EP400: variants seen among roughly 807,000 people sequenced by gnomAD.
EP400 encodes E1A binding protein p400, also known as E1A-binding protein p400.
EP400 carries 105 observed loss-of-function variants against 354.1 expected under a neutral mutation model. The observed-to-expected ratio is 0.30, with a 90% confidence interval of 0.25 to 0.35. The LOEUF (loss-of-function observed/expected upper bound fraction) is 0.35. Among genes scored for constraint, EP400 ranks in the 10% least tolerant of loss-of-function variants. EP400 has a pLI of 1.00. For synonymous variants in EP400, 1,646 were observed against 1,716.9 expected (o/e 0.96, Z 1.02); for missense variants, 3,280 against 4,121.0 (o/e 0.80, Z 5.59).
intron 6 of EP400, 151 bp from the exon 7 acceptor site, chr12:131,987,554 C>G (rs1055184615): frequency 1.6e-6 from 1 of 617,406 alleles, no homozygotes; most frequent in Admixed American, 3.5e-5. Flanking sequence ...CGAATCTTAC[C>G]TTTGATATTA....
chr12:132,024,865 T>C (rs528133518), intron 24 of EP400, among the ~76,000 whole-genome samples: 19 of 142,666 alleles, frequency 1.3e-4, no homozygotes, highest in African/African-American at 4.9e-4. Context: ...TTCCTTCACC[T>C]TCCGTGACTG....
At chr12:132,056,314 A>C (rs1048791480) in intron 45 of EP400, among the ~76,000 whole-genome samples, 1 of 152,038 alleles carries the variant, frequency 6.6e-6, no homozygotes, top group Admixed American at 6.5e-5. Flanking sequence ...CTTTCCTGTG[A>C]AGATGTCGTT....
At chr12:132,001,619 C>T (rs111229440) in intron 12 of EP400, among the ~76,000 whole-genome samples, 2,206 of 152,230 alleles carry the variant, frequency 0.014, 51 homozygotes, top group African/African-American at 0.051. Context: ...GGGAGACTCC[C>T]TTTCCCGGTC....
In EP400 at chr12:131,961,187, T is replaced by G; in HGVS notation, c.568T>G (p.Phe190Val). The change falls in exon 2 of 53, where the codon TTT (phenylalanine) becomes GTT (valine). Residue 190 changes from phenylalanine to valine, a missense_variant. Transcript: ENST00000389561. ...CTTGAGCCCCTCCAGTGGTGGACACTTTGTGTTTCAGGATGGGTCAGGGCT... is the reference window on the plus strand; with the variant it reads ...CTTGAGCCCCTCCAGTGGTGGACACGTTGTGTTTCAGGATGGGTCAGGGCT... ...ISLSPSSGGH[F>V]VFQDGSGLTQ... is the part of the protein sequence containing the mutation. 6.4e-7 allele frequency: 1 copy of G among 1,556,440 alleles called. No homozygotes were observed. The highest frequency in any genetic ancestry group is 8.7e-7 in the Non-Finnish European group (1 of 1,146,096).
At chr12:132,022,065 C>T (rs1565918885) in intron 23 of EP400, among the ~76,000 whole-genome samples, 1 of 152,202 alleles carries the variant, frequency 6.6e-6, no homozygotes, top group Non-Finnish European at 1.5e-5. Flanking sequence ...GGGAGTGATG[C>T]ACAGAGACAC....
intron 1 of EP400, among the ~76,000 whole-genome samples, chr12:131,956,586 T>C (rs1401331003): frequency 6.6e-6 from 1 of 152,186 alleles, no homozygotes; most frequent in Non-Finnish European, 1.5e-5. Flanking sequence ...TGGGGTCACA[T>C]GGGTTCATTC....
intron 5 of EP400, 67 bp from the exon 6 acceptor site, chr12:131,986,447 A>G: frequency 2.7e-6 from 4 of 1,502,408 alleles, no homozygotes; most frequent in Non-Finnish European, 3.6e-6. Context: ...GCGCTCAGGT[A>G]TTTGGCACCG....
At chr12:132,032,267 G>A in intron 30 of EP400, 118 bp downstream of exon 30, 1 of 1,156,512 alleles carries the variant, frequency 8.6e-7, no homozygotes, top group Non-Finnish European at 1.2e-6. Flanking sequence ...AGGAGATATT[G>A]GTGCAAGAAG....
intron 39 of EP400, among the ~76,000 whole-genome samples, chr12:132,046,457 G>A (rs531607881): frequency 6.6e-6 from 1 of 152,256 alleles, no homozygotes; most frequent in East Asian, 1.9e-4. Flanking sequence ...GTCTGTTACT[G>A]GTACCTCTGC....
At chr12:131,989,628 G>A (rs888834755) in intron 7 of EP400, among the ~76,000 whole-genome samples, 3 of 152,206 alleles carry the variant, frequency 2.0e-5, no homozygotes, top group South Asian at 2.1e-4. Context: ...CATGAAATGA[G>A]ATGCCGACCC....
rs1303930866 is a variant in EP400, at chr12:131,961,912, G to T, written c.1293G>T (p.Glu431Asp). The stretch of plus-strand genomic sequence containing the variant: ...TGGACATTGAAGAAGAGGAGGAGGA[G>T]GAGGAAGAGGAGGAAGAAAAATCTG... ...NDLDIEEEEE[E>D]EEEEEEKSEV... The change falls in exon 2 of 53, where the codon GAG (glutamate) becomes GAT (aspartate). Residue 431 changes from glutamate (E) to aspartate (D), a missense_variant. By Grantham distance (45) the Glu-to-Asp change is conservative (BLOSUM62 2). Around this residue, in one of 20 missense-constraint regions of EP400, gnomAD observed 800 missense variants for 840.0 expected, o/e 0.95. Transcript: ENST00000389561. 2 of 1,613,400 alleles carry T rather than the reference G, an allele frequency of 1.2e-6. No individual in the cohort carries two copies. The highest frequency in any genetic ancestry group is 1.7e-5 in the Admixed American group (1 of 59,952).
intron 2 of EP400, among the ~76,000 whole-genome samples, chr12:131,977,723 C>T (rs1264390714): frequency 6.6e-6 from 1 of 152,102 alleles, no homozygotes; most frequent in African/African-American, 2.4e-5. Flanking sequence ...CTTTCATCTT[C>T]TTTCCTTTTC....
At position 131,990,630 on chromosome 12, in the gene EP400, A is replaced by C. The variant is rs1278104996; in HGVS notation, c.2551-6A>C. ...TGTGCTTATTCATTTAATCCTTTGC[A>C]TTTAGGTTGTGGAAATAAAACTACG... On this transcript the variant is annotated splice_region_variant and splice_polypyrimidine_tract_variant and intron_variant, in intron 8 of 52. Transcript: ENST00000389561. The surrounding 1 kb of genome is among the most constrained non-coding windows in gnomAD (Gnocchi z 4.2). The C allele has an allele frequency of 3.8e-6, 6 of 1,598,208 alleles. No individual in the cohort carries two copies. The highest frequency in any genetic ancestry group is 1.3e-5 in the African/African-American group (1 of 74,320).
At position 132,078,359 on chromosome 12, in the gene EP400, C is replaced by G. The variant is rs1226778312; in HGVS notation, c.*686C>G. 1 of 152,404 alleles carries G rather than the reference C, an allele frequency of 6.6e-6. No individual in the cohort carries two copies. Among genetic ancestry groups the G allele is most frequent in the Non-Finnish European group, 1.5e-5 (1 of 68,146 alleles). 9.4% of individuals were successfully genotyped at this position (152,404 alleles called of 1,614,324 possible). On this transcript the variant is annotated 3_prime_UTR_variant, in exon 53 of 53. Transcript: ENST00000389561. ...CATTGTTATTCCAAAGAGCAGCCAA[C>G]AGTGGCCTCCCCCAGGCCCTACCCT...
intron 48 of EP400, chr12:132,066,184 G>GAT (rs1403474811): frequency 6.6e-6 from 1 of 152,370 alleles, no homozygotes; most frequent in Non-Finnish European, 1.5e-5. Context: ...GAGCCACACA[G>GAT]ATATGAACAG....
chr12:132,075,359 CGT>C lies in EP400; in HGVS notation c.9022-1155_9022-1154del, dbSNP rs1277723390. ...TGTGCAGCTTTTCTGCTCCGTGACT[CGT>C]GATGCCCGCCTGTGCTTAGGTTTGG... On this transcript the variant is annotated intron_variant, in intron 51 of 52. Transcript: ENST00000389561. The surrounding 1 kb of genome is among the most constrained non-coding windows in gnomAD (Gnocchi z 4.5). Among the ~76,000 whole-genome samples the C allele has an allele frequency of 6.6e-6, 1 of 152,118 alleles. No individual in the cohort carries two copies. The highest frequency in any genetic ancestry group is 2.4e-5 in the African/African-American group (1 of 41,428).
At position 132,062,170 on chromosome 12, in the gene EP400, G is replaced by A. The variant is rs376301408; in HGVS notation, c.7945G>A (p.Gly2649Ser). ...CACCCAGCCCCCGCCACGGGCAGTC[G>A]GCTCCCCAGCCACGGCGACCCCTGA... ...VHTQPPPRAV[G>S]SPATATPDLV... is the part of the protein sequence containing the mutation. Residue 2649 changes from glycine (G) to serine (S), a missense_variant, in exon 46 of 53, where the codon GGC becomes AGC. By Grantham distance (56) the Gly-to-Ser change is moderately conservative. Coordinates refer to ENST00000389561, the MANE Select transcript of EP400 (RefSeq NM_015409.5). 113 of 1,613,884 alleles carry A rather than the reference G, an allele frequency of 7.0e-5. No individual in the cohort carries two copies. The highest frequency in any genetic ancestry group is 1.6e-4 in the Middle Eastern group (1 of 6,082).
chr12:131,954,726 G>GAAAAAAAAAAAAA (rs35935376), intron 1 of EP400, among the ~76,000 whole-genome samples: 1 of 83,736 alleles, frequency 1.2e-5, no homozygotes, highest in Non-Finnish European at 2.1e-5. Context: ...CTCCATCTCA[G>GAAAAAAAAAAAAA]AAAAAAAAAA....
Position 132,028,297 on chromosome 12 carries a change from G to T in EP400, c.5381+9G>T. On this transcript the variant is annotated intron_variant, in intron 27 of 52. Coordinates refer to ENST00000389561, the MANE Select transcript of EP400 (RefSeq NM_015409.5). Reference sequence around the variant, plus strand: ...CAGGATGTTATTGACAGGTACTGCAGACCTCGTGACCTTTTCGGTGCTCTC... The same window carrying T: ...CAGGATGTTATTGACAGGTACTGCATACCTCGTGACCTTTTCGGTGCTCTC... The T allele has an allele frequency of 1.2e-6, 2 of 1,606,712 alleles. No individual in the cohort carries two copies. Among genetic ancestry groups the T allele is most frequent in the South Asian group, 2.2e-5 (2 of 90,952 alleles).
Sources: gnomAD v4.1 joint callset for allele counts (sites outside exome capture counted in the v4.1 genomes callset) on GRCh38, gnomAD v4.1.1 for gene constraint, gnomAD v4.1.1 regional missense constraint, Gnocchi (gnomAD v3.1) non-coding constraint, MANE v1.5 for transcripts, NCBI Gene and HGNC (gene_info 2026-07-23, HGNC 2026-07-21) for gene names.